NAV2: variants seen among roughly 807,000 people sequenced by gnomAD.
NAV2 encodes the protein neuron navigator 2, also known as helicase, APC down-regulated 1.
NAV2 carries 54 observed loss-of-function variants against 223.2 expected under a neutral mutation model. That is an observed-to-expected ratio of 0.24 (90% CI 0.19 to 0.30). The LOEUF (loss-of-function observed/expected upper bound fraction) is 0.30, where lower values mean the gene tolerates loss of function less well. Ranked by LOEUF, NAV2 falls within the 10% of genes least tolerant of loss-of-function variation. The pLI is 1.00. For missense variants in NAV2, 2,806 were observed against 3,147.5 expected (o/e 0.89, Z 2.60); for synonymous variants, 1,279 against 1,239.3 (o/e 1.03, Z -0.67).
chr11:19,690,384 T>G (rs965216560), intron 1 of NAV2, among the ~76,000 whole-genome samples: 2 of 152,198 alleles, frequency 1.3e-5, no homozygotes, highest in Non-Finnish European at 2.9e-5. Context: ...TTCTGAGTGT[T>G]AACCAATTGC....
At chr11:20,018,239 A>C (rs1018299665) in intron 11 of NAV2, among the ~76,000 whole-genome samples, 4 of 150,666 alleles carry the variant, frequency 2.7e-5, no homozygotes, top group African/African-American at 9.8e-5. Flanking sequence ...CTGTAGTCCC[A>C]GCTGTTCGGG....
At chr11:20,112,648 G>A (rs550372560) in intron 36 of NAV2, among the ~76,000 whole-genome samples, 2 of 152,300 alleles carry the variant, frequency 1.3e-5, no homozygotes, top group African/African-American at 4.8e-5. Flanking sequence ...GAGTCACGTG[G>A]CTCACATGAC....
intron 10 of NAV2, among the ~76,000 whole-genome samples, chr11:19,962,714 C>T (rs1367276875): frequency 1.3e-5 from 2 of 152,186 alleles, no homozygotes; most frequent in African/African-American, 2.4e-5. Context: ...GAGACAGACA[C>T]ACTGGCATGG....
chr11:19,468,316 A>C (rs1852441796), intron 1 of NAV2, among the ~76,000 whole-genome samples: 1 of 152,234 alleles, frequency 6.6e-6, no homozygotes, highest in South Asian at 2.1e-4. Context: ...AGCAACAGAA[A>C]TTTATGGTCT....
At chr11:20,051,421 G>A (rs1041023351) in intron 17 of NAV2, 88 bp downstream of exon 17, 7 of 1,296,460 alleles carry the variant, frequency 5.4e-6, no homozygotes, top group South Asian at 2.4e-5. Context: ...TGGGGGTTTG[G>A]GCTGGGCTGG....
chr11:19,536,121 G>A (rs1400352998), intron 1 of NAV2, among the ~76,000 whole-genome samples: 3 of 152,154 alleles, frequency 2.0e-5, no homozygotes, highest in Non-Finnish European at 2.9e-5. Flanking sequence ...GTCTTATGTT[G>A]AATGCTTTAC....
rs576684728 is a variant in NAV2 at position 19,408,126 on chromosome 11, C to T, written c.75+57099C>T. 4.2e-4 allele frequency among the ~76,000 whole-genome samples: 64 copies of T among 152,270 alleles called. 1 individual carries two copies. In the South Asian group the frequency reaches 0.011, roughly 27 times the overall value. On this transcript the variant is annotated intron_variant, in intron 1 of 37. Transcript: ENST00000360655. ...TTAACTAACCCTGGTACCCACTGAG[C>T]GGCCTCATCACAAATGGCTTTCGAG... is the stretch of plus-strand genomic sequence containing the variant.
At chr11:20,044,330 G>A (rs1242928494) in intron 13 of NAV2, 58 bp downstream of exon 13, 6 of 1,457,608 alleles carry the variant, frequency 4.1e-6, no homozygotes, top group South Asian at 3.7e-5. Context: ...CAAAGCCATA[G>A]TTAACTCTAG....
chr11:19,641,135 C>A (rs990537332), intron 1 of NAV2, among the ~76,000 whole-genome samples: 1 of 152,190 alleles, frequency 6.6e-6, no homozygotes, highest in Non-Finnish European at 1.5e-5. Flanking sequence ...GCTCACCATC[C>A]CATGCCCACC....
At chr11:19,896,902 T>C (rs2042028246) in intron 6 of NAV2, among the ~76,000 whole-genome samples, 1 of 152,232 alleles carries the variant, frequency 6.6e-6, no homozygotes, top group African/African-American at 2.4e-5. Context: ...CAAAGGATTA[T>C]AAATCATGCT....
rs1008623048 is a variant in NAV2 at position 19,998,719 on chromosome 11, T to C, written c.2768+14472T>C. On this transcript the variant is annotated intron_variant, in intron 11 of 37. Transcript: ENST00000349880. This position sits in a 1 kb window ranked among gnomAD's most constrained non-coding sequence, Gnocchi z 5.0. ...AGACTGTGCTTCCCCCCCTCTCTCC[T>C]TTTCTCCTTATAAGCCTGGCTTATT... Among the ~76,000 whole-genome samples, 1 of 152,072 alleles carries C rather than the reference T, an allele frequency of 6.6e-6. No individual in the cohort carries two copies. Among genetic ancestry groups the C allele is most frequent in the African/African-American group, 2.4e-5 (1 of 41,432 alleles).
chr11:19,415,464 C>T (rs913311298), intron 1 of NAV2, among the ~76,000 whole-genome samples: 2 of 152,124 alleles, frequency 1.3e-5, no homozygotes, highest in African/African-American at 4.8e-5. Flanking sequence ...AGCCTACCAA[C>T]TAAAAAAAGC....
chr11:19,414,028 C>A (rs1850257724), intron 1 of NAV2, among the ~76,000 whole-genome samples: 1 of 152,180 alleles, frequency 6.6e-6, no homozygotes, highest in African/African-American at 2.4e-5. Context: ...GCAAAATAAC[C>A]AGCTAGCATC....
chr11:19,633,370 C>G lies in NAV2; in HGVS notation c.76-199114C>G, dbSNP rs2047398518. ...GTCCCTGGCATTCAGGACACTGGGT[C>G]CTTACCTGCCAACAGGGCTAAGAGG... On this transcript the variant is annotated intron_variant, in intron 1 of 37. Coordinates refer to the NAV2 transcript ENST00000360655. Among the ~76,000 whole-genome samples the G allele has an allele frequency of 2.6e-5, 4 of 152,378 alleles. No individual in the cohort carries two copies. In the South Asian group the frequency reaches 8.3e-4, roughly 32 times the overall value.
At chr11:19,395,067 G>A (rs1423802919) in intron 1 of NAV2, among the ~76,000 whole-genome samples, 2 of 152,180 alleles carry the variant, frequency 1.3e-5, no homozygotes, top group Admixed American at 1.3e-4. Context: ...GGACAGCTTT[G>A]GGTTCACACA....
chr11:19,676,131 C>A (rs1207768082), intron 1 of NAV2, among the ~76,000 whole-genome samples: 5 of 152,158 alleles, frequency 3.3e-5, no homozygotes, highest in African/African-American at 1.2e-4. Context: ...TGTTTGATTT[C>A]TCTCATTTAG....
rs7925245 is a variant in NAV2 at position 19,520,826 on chromosome 11, A to T, written c.75+169799A>T. 3.8e-3 allele frequency among the ~76,000 whole-genome samples: 578 copies of T among 152,312 alleles called. 5 individuals carry two copies. The highest frequency in any genetic ancestry group is 0.013 in the African/African-American group (547 of 41,574). ...CTGCTGGTCTCAGTCCCAAGCTGGC[A>T]CTCACAGGAGGCAGGGGCGTGGGCC... On this transcript the variant is annotated intron_variant, in intron 1 of 37. Transcript: ENST00000360655.
chr11:19,411,219 C>T (rs559010791), intron 1 of NAV2, among the ~76,000 whole-genome samples: 3 of 152,172 alleles, frequency 2.0e-5, no homozygotes, highest in Admixed American at 6.5e-5. Context: ...GGGACTACCA[C>T]TGCATTAGCA....
intron 3 of NAV2, among the ~76,000 whole-genome samples, chr11:19,857,595 CCAA>C (rs1284700234): frequency 1.3e-5 from 2 of 152,258 alleles, no homozygotes; most frequent in East Asian, 1.9e-4. Flanking sequence ...GGTGAAATCT[CCAA>C]CAAGTGTCTG....
Sources: gnomAD v4.1 joint callset for allele counts (sites outside exome capture counted in the v4.1 genomes callset) on GRCh38, gnomAD v4.1.1 for gene constraint, Gnocchi (gnomAD v3.1) non-coding constraint, MANE v1.5 for transcripts, NCBI Gene and HGNC (gene_info 2026-07-23, HGNC 2026-07-21) for gene names.